Variants in EHMT1 observed in about 807,000 individuals in gnomAD.
The protein encoded by EHMT1 is histone-lysine N-methyltransferase EHMT1.
Under a neutral mutation model 147.2 loss-of-function variants are expected in EHMT1, and 15 were observed. The ratio of observed to expected loss-of-function variants is 0.10; its 90% confidence interval spans 0.07 to 0.16. The LOEUF (loss-of-function observed/expected upper bound fraction) is 0.16, where lower values mean the gene tolerates loss of function less well. Among genes scored for constraint, EHMT1 ranks in the 10% least tolerant of loss-of-function variants. EHMT1 has a pLI of 1.00. For missense variants in EHMT1, 1,587 were observed against 1,772.4 expected (o/e 0.90, Z 1.88); for synonymous variants, 795 against 709.6 (o/e 1.12, Z -1.91).
chr9:137,795,565 C>T (rs1333750591), intron 16 of EHMT1, among the ~76,000 whole-genome samples: 1 of 152,214 alleles, frequency 6.6e-6, no homozygotes, highest in Admixed American at 6.5e-5. Flanking sequence ...AGAAAACGCA[C>T]ACAGACACGG....
chr9:137,751,613 C>T (rs186117357), intron 6 of EHMT1, among the ~76,000 whole-genome samples: 14 of 152,286 alleles, frequency 9.2e-5, no homozygotes, highest in Middle Eastern at 3.4e-3. Flanking sequence ...TTGCACTGAA[C>T]GTCTATTTGC....
intron 26 of EHMT1, 65 bp from the exon 27 acceptor site, chr9:137,834,708 T>G (rs2133159093): frequency 6.2e-7 from 1 of 1,611,750 alleles, no homozygotes; most frequent in Non-Finnish European, 8.5e-7. Context: ...TTGCCTTAAT[T>G]TATCTGGCTT....
At chr9:137,760,974 T>C (rs1206113545) in intron 9 of EHMT1, among the ~76,000 whole-genome samples, 1 of 152,146 alleles carries the variant, frequency 6.6e-6, no homozygotes, top group Non-Finnish European at 1.5e-5. Flanking sequence ...ACCACTGCAC[T>C]CCAGCCTGGG....
Position 137,775,328 on chromosome 9 carries a change from G to A in EHMT1, c.1791+76G>A. 1 of 1,574,168 alleles carries A rather than the reference G, an allele frequency of 6.4e-7. No homozygotes were observed. The highest frequency in any genetic ancestry group is 1.3e-5 in the African/African-American group (1 of 74,440). ...GCTCACTGGTGCTGGTTCCTGTCCTGTGTCCACCTGCTGTCGGGTGGTCCA... is the reference window on the plus strand; with the variant it reads ...GCTCACTGGTGCTGGTTCCTGTCCTATGTCCACCTGCTGTCGGGTGGTCCA... On this transcript the variant is annotated intron_variant, in intron 11 of 26. Transcript: ENST00000460843. This position sits in a 1 kb window ranked among gnomAD's most constrained non-coding sequence, Gnocchi z 6.1.
chr9:137,741,407 C>T (rs557958420), intron 4 of EHMT1, among the ~76,000 whole-genome samples: 2 of 152,126 alleles, frequency 1.3e-5, no homozygotes, highest in South Asian at 2.1e-4. Context: ...AGGTAGCAAA[C>T]GTCAGCGCCT....
In EHMT1 at chr9:137,702,357, A is replaced by G. The variant is rs963174737; in HGVS notation, c.22-8610A>G. On this transcript the variant is annotated intron_variant, in intron 1 of 26. Coordinates refer to ENST00000460843, the MANE Select transcript of EHMT1 (RefSeq NM_024757.5). ...ATAAAAAGCTTACTTCCAAGAAACA[A>G]TAGTAATACAGGCATTGGGTAAATG... Among the ~76,000 whole-genome samples the G allele has an allele frequency of 4.6e-5, 7 of 152,334 alleles. No individual in the cohort carries two copies. The East Asian group carries it at 1.4e-3, about 29-fold the overall frequency.
chr9:137,819,660 G>T (rs1354669434), intron 25 of EHMT1, among the ~76,000 whole-genome samples: 3 of 145,282 alleles, frequency 2.1e-5, no homozygotes, highest in Non-Finnish European at 4.5e-5. Context: ...TGAGGGGGGG[G>T]GCGCCGTGTG....
At chr9:137,632,619 G>T (rs370537758) in intron 1 of EHMT1, among the ~76,000 whole-genome samples, 3 of 152,244 alleles carry the variant, frequency 2.0e-5, no homozygotes, top group East Asian at 1.9e-4. Flanking sequence ...ACCCAGGCTG[G>T]TCTCGAGCTC....
intron 8 of EHMT1, among the ~76,000 whole-genome samples, chr9:137,755,028 G>A (rs1191642218): frequency 6.6e-6 from 1 of 152,176 alleles, no homozygotes; most frequent in Non-Finnish European, 1.5e-5. Flanking sequence ...AACCCAGAAG[G>A]GATGCAGCAG....
chr9:137,718,352 G>T (rs577931235), intron 3 of EHMT1, among the ~76,000 whole-genome samples: 30 of 152,370 alleles, frequency 2.0e-4, no homozygotes, highest in African/African-American at 7.0e-4. Flanking sequence ...GAATTTGGGT[G>T]TAAGTTCTAG....
chr9:137,748,560 G>A (rs995502726), intron 6 of EHMT1, among the ~76,000 whole-genome samples: 10 of 152,150 alleles, frequency 6.6e-5, no homozygotes, highest in Admixed American at 1.3e-4. Flanking sequence ...GGCTCCCCAC[G>A]GTGGCTGCTC....
intron 10 of EHMT1, among the ~76,000 whole-genome samples, chr9:137,767,940 T>C (rs189132388): frequency 2.0e-5 from 3 of 152,344 alleles, no homozygotes; most frequent in Admixed American, 1.3e-4. Context: ...TCAACCTGTT[T>C]TGTATTTTTA....
intron 1 of EHMT1, among the ~76,000 whole-genome samples, chr9:137,694,707 C>T (rs1263111205): frequency 3.3e-5 from 5 of 152,174 alleles, no homozygotes; most frequent in Admixed American, 6.5e-5. Context: ...ATGGTGGAGA[C>T]GCGCCTAGCA....
chr9:137,789,537 TTGG>T (rs1952337084), intron 15 of EHMT1, among the ~76,000 whole-genome samples: 1 of 152,216 alleles, frequency 6.6e-6, no homozygotes, highest in African/African-American at 2.4e-5. Context: ...ACCTTCAGGT[TTGG>T]CAGCCGGACC....
chr9:137,642,563 G>C (rs182078029), intron 1 of EHMT1, among the ~76,000 whole-genome samples: 40 of 152,096 alleles, frequency 2.6e-4, no homozygotes, highest in African/African-American at 9.2e-4. Context: ...TGTTTTCTTG[G>C]TTGTCCTGGG....
intron 2 of EHMT1, among the ~76,000 whole-genome samples, chr9:137,713,362 C>T (rs940881552): frequency 7.9e-5 from 12 of 151,050 alleles, no homozygotes; most frequent in African/African-American, 1.7e-4. Context: ...CTCCGCTTCC[C>T]GGGTTCACGC....
In EHMT1 at chr9:137,757,935, C is replaced by CTGT; in HGVS notation, c.1425_1426insTGT (p.Asp475_Ser476insCys). On this transcript the variant is annotated inframe_insertion, in exon 9 of 27. Transcript: ENST00000460843. The stretch of plus-strand genomic sequence containing the variant: ...GCGCTGAGCAGACGGCACCAGGAGA[C>CTGT]AGCACAGGGTACATGGAAGTTTCTC... 6.2e-7 allele frequency: 1 copy of CTGT among 1,614,054 alleles called. No homozygotes were observed. Among genetic ancestry groups the CTGT allele is most frequent in the Non-Finnish European group, 8.5e-7 (1 of 1,180,018 alleles).
intron 1 of EHMT1, among the ~76,000 whole-genome samples, chr9:137,695,305 C>T (rs1407143042): frequency 6.6e-6 from 1 of 152,140 alleles, no homozygotes; most frequent in Non-Finnish European, 1.5e-5. Flanking sequence ...CAGGTGAGCC[C>T]CAGAGCTTGG....
At position 137,652,677 on chromosome 9, in the gene EHMT1, C is replaced by T. The variant is rs113962086; in HGVS notation, c.21+33628C>T. Among the ~76,000 whole-genome samples, 40 of 148,752 alleles carry T rather than the reference C, an allele frequency of 2.7e-4. 1 individual carries two copies. The highest frequency in any genetic ancestry group is 7.9e-4 in the African/African-American group (32 of 40,288). The stretch of plus-strand genomic sequence containing the variant: ...TTGGGATTACAGGCGTGAGCCACCG[C>T]GCCTGGCTAGTGTATCTTAGTTTTT... On this transcript the variant is annotated intron_variant, in intron 1 of 26. Coordinates refer to ENST00000460843, the MANE Select transcript of EHMT1 (RefSeq NM_024757.5).
Sources: allele counts gnomAD v4.1 joint callset (sites outside exome capture counted in the v4.1 genomes callset), GRCh38; gene constraint gnomAD v4.1.1; non-coding constraint Gnocchi (gnomAD v3.1); transcripts MANE v1.5; gene names NCBI Gene and HGNC (gene_info 2026-07-23, HGNC 2026-07-21).